The following CDK12 variants were observed in gnomAD, a reference collection of about 807,000 sequenced individuals.
CDK12 encodes cyclin-dependent kinase 12.
In CDK12, 17 loss-of-function variants were observed where a neutral mutation model predicts 133.8. That is an observed-to-expected ratio of 0.13 (90% CI 0.09 to 0.19). The LOEUF is 0.19. CDK12 is among the 10% of genes least tolerant of loss of function. The pLI is 1.00. For missense variants in CDK12, 1,508 were observed against 1,818.7 expected, an observed-to-expected ratio of 0.83 and a Z score of 3.11; for synonymous variants, 694 against 683.6, an observed-to-expected ratio of 1.02 and a Z score of -0.24.
At chr17:39,546,603 C>T (rs1032785272), upstream of CDK12, 2 of 152,270 alleles carry the variant, frequency 1.3e-5, no homozygotes, top group Admixed American at 6.5e-5. Context: ...TCAGCTTCTT[C>T]ACTTCCTTTC....
intron 2 of CDK12, among the ~76,000 whole-genome samples, chr17:39,484,204 C>A (rs1264707841): frequency 6.6e-6 from 1 of 152,116 alleles, no homozygotes; most frequent in Non-Finnish European, 1.5e-5. Context: ...CCCACAGATT[C>A]AGTTCAGATT....
intron 3 of CDK12, among the ~76,000 whole-genome samples, chr17:39,562,924 T>A (rs1463293025): frequency 1.5e-5 from 2 of 131,140 alleles, no homozygotes; most frequent in African/African-American, 6.5e-5. Context: ...TTTTTTTTTT[T>A]ACAACTTAAG....
intron 8 of CDK12, among the ~76,000 whole-genome samples, chr17:39,513,747 C>G (rs1197488697): frequency 6.6e-6 from 1 of 152,146 alleles, no homozygotes; most frequent in Non-Finnish European, 1.5e-5. Flanking sequence ...TCTTCAAAGC[C>G]CAGTGGCTCA....
At position 39,530,732 on chromosome 17, in the gene CDK12, G is replaced by T; in HGVS notation, c.3889G>T (p.Val1297Leu). 1 of 1,612,096 alleles carries T rather than the reference G, an allele frequency of 6.2e-7. No homozygotes were observed. Among genetic ancestry groups the T allele is most frequent in the Non-Finnish European group, 8.5e-7 (1 of 1,179,044 alleles). The change falls in exon 14 of 14, where the codon GTG becomes TTG. Residue 1297 changes from valine (V) to leucine (L), a missense_variant. Val to Leu is a conservative substitution (Grantham distance 32). Transcript: ENST00000447079. The part of the protein sequence containing the change: ...SSAPQELNPA[V>L]TAALLQLLSQ... ...CGCCCCCCAGGAGTTGAACCCAGCC[G>T]TGACAGCCGCCTTGCTGCAACTTTT...
chr17:39,510,310 G>C (rs940272812), intron 7 of CDK12, among the ~76,000 whole-genome samples: 1 of 151,584 alleles, frequency 6.6e-6, no homozygotes, highest in Non-Finnish European at 1.5e-5. Context: ...TAGTAGAGGC[G>C]GGGTTTCACC....
In CDK12 at chr17:39,470,930, A is replaced by G; in HGVS notation, c.1098A>G (p.Ser366=). ...RSRSPAYSRH[S]SSHSKKKRSS... is the part of the protein sequence containing the mutation. ...GAAGTCCTGCATATTCAAGACATTC[A>G]TCTTCTCATAGTAAAAAGAAGAGAT... The change falls in exon 2 of 14, where the codon TCA becomes TCG. Residue 366 remains serine (S), a synonymous_variant. Coordinates refer to ENST00000447079, the MANE Select transcript of CDK12 (RefSeq NM_016507.4). 1 of 1,612,778 alleles carries G rather than the reference A, an allele frequency of 6.2e-7. No homozygotes were observed. Among genetic ancestry groups the G allele is most frequent in the Non-Finnish European group, 8.5e-7 (1 of 1,179,618 alleles).
At chr17:39,565,649 G>T, downstream of CDK12, among the ~76,000 whole-genome samples, 1 of 150,252 alleles carries the variant, frequency 6.7e-6, no homozygotes, top group South Asian at 2.1e-4. Context: ...GGTCAGGCTG[G>T]TCTCAAACTC....
At chr17:39,528,332 T>C (rs2054613998) in intron 13 of CDK12, among the ~76,000 whole-genome samples, 1 of 151,528 alleles carries the variant, frequency 6.6e-6, no homozygotes, top group East Asian at 1.9e-4. Context: ...TTTAATAAGT[T>C]TTTTTGTTTG....
chr17:39,528,909 T>C (rs2054652176), intron 13 of CDK12, among the ~76,000 whole-genome samples: 1 of 152,238 alleles, frequency 6.6e-6, no homozygotes, highest in Non-Finnish European at 1.5e-5. Flanking sequence ...TGTCCTTATA[T>C]AGAGAGTGTT....
chr17:39,495,925 T>G (rs12940193), intron 5 of CDK12, among the ~76,000 whole-genome samples: 94,062 of 151,878 alleles, frequency 0.62, 32,247 homozygotes, highest in South Asian at 0.89. Context: ...TTTTGTTTTT[T>G]TTTTGAGACA....
At chr17:39,526,834 A>G (rs1211752454) in intron 13 of CDK12, among the ~76,000 whole-genome samples, 1 of 152,244 alleles carries the variant, frequency 6.6e-6, no homozygotes, top group Non-Finnish European at 1.5e-5. Flanking sequence ...TAGATAATTA[A>G]CACTATACAT....
At chr17:39,518,489 G>A (rs2053954391) in intron 10 of CDK12, among the ~76,000 whole-genome samples, 1 of 151,968 alleles carries the variant, frequency 6.6e-6, no homozygotes, top group South Asian at 2.1e-4. Flanking sequence ...ACCACGCCTG[G>A]CCATGTTTTG....
chr17:39,507,320 C>T (rs904691680), intron 6 of CDK12, among the ~76,000 whole-genome samples: 1 of 151,750 alleles, frequency 6.6e-6, no homozygotes, highest in African/African-American at 2.4e-5. Flanking sequence ...GGCGCGGTGG[C>T]TCATGCCTGT....
intron 9 of CDK12, among the ~76,000 whole-genome samples, chr17:39,516,383 G>GTC (rs200548287): frequency 0.01 from 1,535 of 151,588 alleles, 27 homozygotes; most frequent in African/African-American, 0.036. Flanking sequence ...TTTAGACAGG[G>GTC]TCTCGCTCTG....
At chr17:39,526,996 A>C (rs2054535111) in intron 13 of CDK12, among the ~76,000 whole-genome samples, 1 of 152,262 alleles carries the variant, frequency 6.6e-6, no homozygotes, top group African/African-American at 2.4e-5. Flanking sequence ...TCACATGACC[A>C]TAGCGTGCAA....
At position 39,530,982 on chromosome 17, in the gene CDK12, T is replaced by C. The variant is rs2146840247; in HGVS notation, c.4139T>C (p.Leu1380Pro). The C allele has an allele frequency of 6.2e-7, 1 of 1,614,224 alleles. No individual in the cohort carries two copies. Among genetic ancestry groups the C allele is most frequent in the South Asian group, 1.1e-5 (1 of 91,082 alleles). Reference sequence around the variant, plus strand: ...AAGAACAGGACCTTCTCAGGCTCTCTGAGCCACCTTGGGGAGTCCAGCAGT... The same window carrying C: ...AAGAACAGGACCTTCTCAGGCTCTCCGAGCCACCTTGGGGAGTCCAGCAGT... ...LVKNRTFSGS[L>P]SHLGESSSYQ... Residue 1380 changes from leucine to proline, a missense_variant, in exon 14 of 14, where the codon CTG becomes CCG. Leu to Pro is a moderately conservative substitution (Grantham distance 98). Transcript: ENST00000447079.
intron 1 of CDK12, 25 bp downstream of exon 1, chr17:39,463,142 TCCTCA>T: frequency 6.3e-7 from 1 of 1,598,466 alleles, no homozygotes; most frequent in Non-Finnish European, 8.6e-7. Flanking sequence ...TAACAGTCCT[TCCTCA>T]TTTAGGGTGG....
At chr17:39,488,792 C>T (rs2051337194) in intron 2 of CDK12, among the ~76,000 whole-genome samples, 1 of 151,874 alleles carries the variant, frequency 6.6e-6, no homozygotes, top group Admixed American at 6.6e-5. Flanking sequence ...CCTTTGTTGC[C>T]CAGGGTGGAG....
intron 1 of CDK12, 107 bp from the exon 2 acceptor site, chr17:39,470,772 T>C (rs2049733711): frequency 1.0e-6 from 1 of 985,552 alleles, no homozygotes; most frequent in Admixed American, 3.0e-5. Flanking sequence ...ACTTAATCTA[T>C]TTTACAATTG....
Sources: allele counts gnomAD v4.1 joint callset (sites outside exome capture counted in the v4.1 genomes callset), GRCh38; gene constraint gnomAD v4.1.1; transcripts MANE v1.5; gene names NCBI Gene and HGNC (gene_info 2026-07-23, HGNC 2026-07-21).